The following ATP6V0D2 variants were observed in gnomAD, a reference collection of about 807,000 sequenced individuals.
ATP6V0D2 encodes the protein ATPase H+ transporting V0 subunit d2, also known as V-type proton ATPase subunit d 2.
A neutral mutation model predicts 40.0 loss-of-function variants in ATP6V0D2; 40 were observed. The observed-to-expected ratio is 1.00, with a 90% confidence interval of 0.78 to 1.30. The LOEUF is 1.30. Ranked by LOEUF, ATP6V0D2 falls within the 50% of genes most tolerant of loss-of-function variation. ATP6V0D2 has a pLI of 0.00. For missense variants in ATP6V0D2, 470 were observed against 423.1 expected (o/e 1.11, Z -0.97); for synonymous variants, 179 against 156.3 (o/e 1.15, Z -1.08).
chr8:86,139,375 A>G, intron 2 of ATP6V0D2, 82 bp from the exon 3 acceptor site: 1 of 1,222,768 alleles, frequency 8.2e-7, no homozygotes, highest in Non-Finnish European at 1.2e-6. Context: ...TGTGTACCTA[A>G]AGAGTGTGTG....
intron 2 of ATP6V0D2, among the ~76,000 whole-genome samples, chr8:86,134,999 A>T (rs1289613864): frequency 1.3e-5 from 2 of 152,118 alleles, no homozygotes; most frequent in East Asian, 3.9e-4. Context: ...AGAGTGGGAG[A>T]ACTGATTCGC....
chr8:86,140,560 A>G (rs1354771182), intron 3 of ATP6V0D2, among the ~76,000 whole-genome samples: 1 of 152,192 alleles, frequency 6.6e-6, no homozygotes, highest in Non-Finnish European at 1.5e-5. Context: ...AGTACAACTC[A>G]ATGCTTGGCA....
rs1166858589 is a variant in ATP6V0D2 at position 86,149,052 on chromosome 8, G to GAAAAAAAAAAAAAAAAAAAAAA, written c.640-1058_640-1057insAAAAAAAAAAAAAAAAAAAAAA. On this transcript the variant is annotated intron_variant, in intron 5 of 7. Transcript: ENST00000285393. ...ACAGAGTGAGACCCAATCTCCAAAG[G>GAAAAAAAAAAAAAAAAAAAAAA]AAGAAAAAAAAAAAAAAAAAAAACC... Among the ~76,000 whole-genome samples, 3 of 69,000 alleles carry GAAAAAAAAAAAAAAAAAAAAAA rather than the reference G, an allele frequency of 4.3e-5. 1 individual carries two copies. The highest frequency in any genetic ancestry group is 2.1e-4 in the Admixed American group (1 of 4,654). The allele number at this position is 69,000 out of a possible 152,430, so 45.3% of individuals were successfully genotyped here. A position where few individuals can be genotyped will look rare whatever the true frequency, so the allele number is the denominator to read the frequency against.
At position 86,151,453 on chromosome 8, in the gene ATP6V0D2, C is replaced by T. The variant is rs372947956; in HGVS notation, c.817-13C>T. The T allele has an allele frequency of 7.1e-6, 11 of 1,546,818 alleles. No individual in the cohort carries two copies. The highest frequency in any genetic ancestry group is 1.7e-4 in the Middle Eastern group (1 of 5,876). On this transcript the variant is annotated splice_polypyrimidine_tract_variant and intron_variant, in intron 6 of 7. Transcript: ENST00000285393. Reference sequence around the variant, plus strand: ...ATGAAAATGTCTTTAAAATTAATGTCTTTGTTTTTAAGGTATACAAACCTT... The same window carrying T: ...ATGAAAATGTCTTTAAAATTAATGTTTTTGTTTTTAAGGTATACAAACCTT...
intron 2 of ATP6V0D2, among the ~76,000 whole-genome samples, chr8:86,123,245 TC>T (rs1391124087): frequency 6.6e-6 from 1 of 152,206 alleles, no homozygotes; most frequent in Non-Finnish European, 1.5e-5. Flanking sequence ...TATGCTGCTT[TC>T]CTGGGGCATA....
intron 2 of ATP6V0D2, among the ~76,000 whole-genome samples, chr8:86,136,081 G>A (rs1818892695): frequency 1.3e-5 from 2 of 152,048 alleles, no homozygotes; most frequent in South Asian, 4.2e-4. Context: ...CCAAGCCCTG[G>A]GTTCTCCATG....
In ATP6V0D2 at chr8:86,098,926, C is replaced by G. The variant is rs192022089; in HGVS notation, c.-53C>G. 6.4e-7 allele frequency: 1 copy of G among 1,573,588 alleles called. No homozygotes were observed. Among genetic ancestry groups the G allele is most frequent in the Non-Finnish European group, 8.6e-7 (1 of 1,160,358 alleles). The stretch of plus-strand genomic sequence containing the variant: ...CAGGCTAGTGCAAATCTTCAGGGGC[C>G]GTCCAGGACTACAGAGCTGTTTCAC... On this transcript the variant is annotated 5_prime_UTR_variant, in exon 1 of 8. Transcript: ENST00000285393.
chr8:86,131,356 C>T lies in ATP6V0D2; in HGVS notation c.303-8101C>T, dbSNP rs570818824. ...CTGGGCCTACAGGCGCACACCAACA[C>T]GCTCAGCTAATTTTTGTATTTTTTA... On this transcript the variant is annotated intron_variant, in intron 2 of 7. Coordinates refer to ENST00000285393, the MANE Select transcript of ATP6V0D2 (RefSeq NM_152565.1). Among the ~76,000 whole-genome samples the T allele has an allele frequency of 2.0e-5, 3 of 151,908 alleles. No individual in the cohort carries two copies. The South Asian group carries it at 6.2e-4, about 32-fold the overall frequency.
At chr8:86,099,159 G>T (rs762944346) in intron 1 of ATP6V0D2, 51 bp downstream of exon 1, 3 of 1,489,416 alleles carry the variant, frequency 2.0e-6, no homozygotes, top group Non-Finnish European at 1.8e-6. Context: ...AAAATGAAAT[G>T]ATGTCCCTCT....
chr8:86,147,856 G>A (rs1819092083), intron 5 of ATP6V0D2, among the ~76,000 whole-genome samples: 1 of 152,128 alleles, frequency 6.6e-6, no homozygotes, highest in Admixed American at 6.6e-5. Flanking sequence ...GTGGTTACAA[G>A]GACAAGGAGG....
chr8:86,110,365 G>A (rs1818516045), intron 1 of ATP6V0D2, among the ~76,000 whole-genome samples: 2 of 152,228 alleles, frequency 1.3e-5, no homozygotes, highest in African/African-American at 2.4e-5. Context: ...AAAGTGCTGG[G>A]ATTACAGGCG....
chr8:86,132,346 A>C (rs1818836363), intron 2 of ATP6V0D2, among the ~76,000 whole-genome samples: 1 of 152,116 alleles, frequency 6.6e-6, no homozygotes, highest in African/African-American at 2.4e-5. Flanking sequence ...GGGAACCATC[A>C]GTCTATTTTG....
chr8:86,145,866 CACTT>C (rs1393952904), intron 5 of ATP6V0D2, among the ~76,000 whole-genome samples: 4 of 152,200 alleles, frequency 2.6e-5, no homozygotes, highest in Admixed American at 6.5e-5. Context: ...TAATAGCTAA[CACTT>C]ACTACGTGCT....
intron 2 of ATP6V0D2, among the ~76,000 whole-genome samples, chr8:86,127,441 A>T (rs896075376): frequency 6.6e-6 from 1 of 151,646 alleles, no homozygotes. Flanking sequence ...TTCCATGAAC[A>T]ATGACCCCTG....
intron 2 of ATP6V0D2, among the ~76,000 whole-genome samples, chr8:86,128,993 A>T (rs1191156489): frequency 1.3e-5 from 2 of 152,236 alleles, no homozygotes; most frequent in African/African-American, 4.8e-5. Flanking sequence ...TAAACTTTTC[A>T]AATGTTTTAC....
At chr8:86,106,545 A>G (rs1818472050) in intron 1 of ATP6V0D2, among the ~76,000 whole-genome samples, 1 of 152,206 alleles carries the variant, frequency 6.6e-6, no homozygotes, top group Non-Finnish European at 1.5e-5. Context: ...ACACCCCTGC[A>G]CTGTAGTTTA....
chr8:86,123,245 T>C lies in ATP6V0D2; in HGVS notation c.302+9365T>C, dbSNP rs966760443. On this transcript the variant is annotated intron_variant, in intron 2 of 7. Transcript: ENST00000285393. ...GGTGATTGCTATTATTATGCTGCTT[T>C]CCTGGGGCATACTTAAAAATAAAGT... Among the ~76,000 whole-genome samples the C allele has an allele frequency of 2.0e-5, 3 of 152,206 alleles. No homozygotes were observed. The East Asian group carries it at 5.8e-4, about 29-fold the overall frequency.
At chr8:86,149,320 T>C (rs1380743377) in intron 5 of ATP6V0D2, among the ~76,000 whole-genome samples, 1 of 151,690 alleles carries the variant, frequency 6.6e-6, no homozygotes, top group Non-Finnish European at 1.5e-5. Flanking sequence ...CTCAAAGGAA[T>C]AGAAACGAAA....
At chr8:86,106,892 T>C (rs1818476315) in intron 1 of ATP6V0D2, among the ~76,000 whole-genome samples, 1 of 152,102 alleles carries the variant, frequency 6.6e-6, no homozygotes. Flanking sequence ...AAGAACAGGC[T>C]GGATGCAGTG....
Sources: gnomAD v4.1 joint callset for allele counts (sites outside exome capture counted in the v4.1 genomes callset) on GRCh38, gnomAD v4.1.1 for gene constraint, MANE v1.5 for transcripts, NCBI Gene and HGNC (gene_info 2026-07-23, HGNC 2026-07-21) for gene names.